Variants in CRIM1 observed in about 807,000 individuals in gnomAD.
CRIM1 encodes cysteine-rich motor neuron 1 protein.
A neutral mutation model predicts 116.4 loss-of-function variants in CRIM1; 32 were observed. The ratio of observed to expected loss-of-function variants is 0.27; its 90% CI spans 0.21 to 0.37. The LOEUF (loss-of-function observed/expected upper bound fraction) is 0.37, where lower values mean the gene tolerates loss of function less well. Among genes scored for constraint, CRIM1 ranks in the 10% least tolerant of loss-of-function variants. CRIM1 has a pLI of 1.00. For missense variants in CRIM1, 1,331 were observed against 1,354.8 expected (o/e 0.98, Z 0.28); for synonymous variants, 590 against 509.2 (o/e 1.16, Z -2.13).
At chr2:36,455,576 G>C (rs918065698) in intron 4 of CRIM1, among the ~76,000 whole-genome samples, 17 of 152,194 alleles carry the variant, frequency 1.1e-4, no homozygotes, top group African/African-American at 3.9e-4. Flanking sequence ...ATAGGAGACA[G>C]AGTCACCGGA....
chr2:36,381,713 G>C (rs1203109280), intron 1 of CRIM1, among the ~76,000 whole-genome samples: 7 of 152,202 alleles, frequency 4.6e-5, no homozygotes, highest in African/African-American at 1.7e-4. Flanking sequence ...CCTGAACCGG[G>C]GAGGCAGAGG....
intron 2 of CRIM1, among the ~76,000 whole-genome samples, chr2:36,435,340 G>GTA (rs1248256192): frequency 1.3e-5 from 2 of 151,920 alleles, no homozygotes; most frequent in East Asian, 3.9e-4. Context: ...CTGTGTGTGT[G>GTA]TGTGTGTGTG....
chr2:36,413,474 A>C (rs886872211), intron 2 of CRIM1, among the ~76,000 whole-genome samples: 3 of 152,162 alleles, frequency 2.0e-5, no homozygotes, highest in Non-Finnish European at 4.4e-5. Context: ...CAAGCGGGAA[A>C]GGACGGTTGT....
At chr2:36,405,622 T>C (rs183778972) in intron 2 of CRIM1, among the ~76,000 whole-genome samples, 5 of 152,320 alleles carry the variant, frequency 3.3e-5, no homozygotes, top group Admixed American at 2.6e-4. Context: ...AGAAAAGTTA[T>C]AGAGTGTTTA....
chr2:36,451,666 TA>T (rs1169354294), intron 4 of CRIM1, among the ~76,000 whole-genome samples: 3 of 152,174 alleles, frequency 2.0e-5, no homozygotes, highest in Non-Finnish European at 4.4e-5. Context: ...TGTCAACTCT[TA>T]TCTCCAGAGC....
intron 2 of CRIM1, among the ~76,000 whole-genome samples, chr2:36,406,946 C>G (rs1176067423): frequency 6.6e-6 from 1 of 152,092 alleles, no homozygotes; most frequent in African/African-American, 2.4e-5. Context: ...TAAGTCCTGG[C>G]CCCCTCGAAG....
At chr2:36,391,819 A>G (rs921809288) in intron 1 of CRIM1, among the ~76,000 whole-genome samples, 1 of 151,872 alleles carries the variant, frequency 6.6e-6, no homozygotes, top group Non-Finnish European at 1.5e-5. Flanking sequence ...AAAATGGTAC[A>G]TAAAACTCCT....
At chr2:36,441,608 A>G in intron 3 of CRIM1, 108 bp downstream of exon 3, 1 of 1,393,580 alleles carries the variant, frequency 7.2e-7, no homozygotes, top group South Asian at 1.3e-5. Context: ...GGGCCTTCTC[A>G]CCGGTGTCCT....
chr2:36,518,156 C>T (rs546425684), intron 12 of CRIM1, among the ~76,000 whole-genome samples: 14 of 152,072 alleles, frequency 9.2e-5, no homozygotes, highest in Non-Finnish European at 2.1e-4. Context: ...GGCCATGAAA[C>T]TTGTTAGAAG....
rs771958347 is a variant in CRIM1 at position 36,509,988 on chromosome 2, G to C, written c.1507G>C (p.Glu503Gln). 2 of 1,613,678 alleles carry C rather than the reference G, an allele frequency of 1.2e-6. No individual in the cohort carries two copies. The highest frequency in any genetic ancestry group is 1.7e-5 in the Admixed American group (1 of 59,956). Residue 503 changes from glutamate to glutamine, a missense_variant, in exon 9 of 17, where the codon GAA becomes CAA. Glu to Gln is a conservative substitution (Grantham distance 29). Transcript: ENST00000280527. ...CRTCQCINTE[E>Q]LCSERKQGCT... ...CCGTCTCTGTGTCTTCACAGCCGAG[G>C]AACTATGTTCAGAACGTAAACAAGG...
chr2:36,380,546 C>A (rs918184845), intron 1 of CRIM1, among the ~76,000 whole-genome samples: 2 of 152,116 alleles, frequency 1.3e-5, no homozygotes, highest in African/African-American at 4.8e-5. Flanking sequence ...GGTTTGAGCG[C>A]AGAGTCTACA....
chr2:36,400,903 G>C (rs993435113), intron 2 of CRIM1, among the ~76,000 whole-genome samples: 4 of 152,074 alleles, frequency 2.6e-5, no homozygotes, highest in Non-Finnish European at 5.9e-5. Flanking sequence ...ACAGGAAGGT[G>C]AATAGTCTAG....
At position 36,415,589 on chromosome 2, in the gene CRIM1, A is replaced by G. The variant is rs745916423; in HGVS notation, c.505+18802A>G. On this transcript the variant is annotated intron_variant, in intron 2 of 16. Coordinates refer to ENST00000280527, the MANE Select transcript of CRIM1 (RefSeq NM_016441.3). Reference sequence around the variant, plus strand: ...CATAGATTCTTTCTGTAAGTTTTTCACTACATGCATCTACTATTTCAGGCA... The same window carrying G: ...CATAGATTCTTTCTGTAAGTTTTTCGCTACATGCATCTACTATTTCAGGCA... Among the ~76,000 whole-genome samples the G allele has an allele frequency of 2.6e-5, 4 of 152,274 alleles. No homozygotes were observed. In the East Asian group the frequency reaches 5.8e-4, roughly 22 times the overall value.
At chr2:36,373,780 A>G (rs1443749698) in intron 1 of CRIM1, among the ~76,000 whole-genome samples, 1 of 152,190 alleles carries the variant, frequency 6.6e-6, no homozygotes, top group African/African-American at 2.4e-5. Context: ...GTGCATGTGC[A>G]TCCATGTGTA....
intron 8 of CRIM1, among the ~76,000 whole-genome samples, chr2:36,501,700 T>A (rs1189785991): frequency 6.6e-6 from 1 of 152,036 alleles, no homozygotes; most frequent in Admixed American, 6.6e-5. Context: ...CCAGCCTGGG[T>A]GACAGAGCAA....
chr2:36,523,215 G>T (rs1456664656), intron 13 of CRIM1, among the ~76,000 whole-genome samples: 1 of 152,140 alleles, frequency 6.6e-6, no homozygotes, highest in Non-Finnish European at 1.5e-5. Flanking sequence ...TATAAAGCTT[G>T]CTGCTGCCTT....
In CRIM1 at chr2:36,522,310, A is replaced by C; in HGVS notation, c.2425A>C (p.Ile809Leu). The change falls in exon 13 of 17, where the codon ATA (isoleucine) becomes CTA (leucine). Residue 809 changes from isoleucine (I) to leucine (L), a missense_variant. Ile to Leu is a conservative substitution (Grantham distance 5). Around this residue, in one of 3 missense-constraint regions of CRIM1, gnomAD observed 358 missense variants for 436.1 expected, o/e 0.82. Transcript: ENST00000280527. ...AAAAGGCCAGTGTTGTCCCTACTGC[A>C]TAGGTAAGACCAAGGAAAAAAAAAT... ...LRKGQCCPYC[I>L]EDTIPKKVVC... 1.2e-6 allele frequency: 2 copies of C among 1,611,698 alleles called. No homozygotes were observed. Among genetic ancestry groups the C allele is most frequent in the Middle Eastern group, 1.7e-4 (1 of 6,060 alleles).
chr2:36,531,834 A>C (rs1312691732), intron 13 of CRIM1: 2 of 463,592 alleles, frequency 4.3e-6, no homozygotes, highest in East Asian at 1.4e-4. Flanking sequence ...TATTGTAATC[A>C]TATGTGATGC....
rs190419652 is a variant in CRIM1, at chr2:36,486,904, A to C, written c.1372+7210A>C. On this transcript the variant is annotated intron_variant, in intron 7 of 16. Transcript: ENST00000280527. Reference sequence around the variant, plus strand: ...TGAGACTGTGCTAAACTTTTTTTGGATGAGACAACTCTTAGGCAACCAAAC... The same window carrying C: ...TGAGACTGTGCTAAACTTTTTTTGGCTGAGACAACTCTTAGGCAACCAAAC... Among the ~76,000 whole-genome samples the C allele has an allele frequency of 7.8e-4, 119 of 152,270 alleles. No individual in the cohort carries two copies. In the Middle Eastern group the frequency reaches 0.014, roughly 17 times the overall value.
Sources: gnomAD v4.1 joint callset for allele counts (sites outside exome capture counted in the v4.1 genomes callset) on GRCh38, gnomAD v4.1.1 for gene constraint, gnomAD v4.1.1 regional missense constraint, MANE v1.5 for transcripts, NCBI Gene and HGNC (gene_info 2026-07-23, HGNC 2026-07-21) for gene names.